The following CNGB3 variants were observed in gnomAD, a reference collection of about 807,000 sequenced individuals.
CNGB3 encodes cyclic nucleotide-gated channel beta-3.
Under a neutral mutation model 92.8 loss-of-function variants are expected in CNGB3, and 86 were observed. That is an observed-to-expected ratio of 0.93 (90% CI 0.78 to 1.11). The LOEUF (loss-of-function observed/expected upper bound fraction) is 1.11, where lower values mean the gene tolerates loss of function less well. CNGB3 is among the 50% of genes least tolerant of loss of function. The pLI is 0.00. For synonymous variants in CNGB3, 333 were observed against 332.7 expected, an observed-to-expected ratio of 1.00 and a Z score of -0.01; for missense variants, 1,026 against 956.8, an observed-to-expected ratio of 1.07 and a Z score of -0.95.
At chr8:86,592,906 T>C (rs2131548449) in intron 15 of CNGB3, among the ~76,000 whole-genome samples, 1 of 152,320 alleles carries the variant, frequency 6.6e-6, no homozygotes, top group Non-Finnish European at 1.5e-5. Context: ...AACACTTTAT[T>C]CCTTGCAACT....
chr8:86,664,165 T>C (rs989300440), intron 6 of CNGB3, among the ~76,000 whole-genome samples: 5 of 152,256 alleles, frequency 3.3e-5, no homozygotes, highest in Non-Finnish European at 7.3e-5. Context: ...GAATAGACTT[T>C]TGGCATAGCT....
At chr8:86,657,243 T>C (rs549437640) in intron 6 of CNGB3, 36 of 209,968 alleles carry the variant, frequency 1.7e-4, no homozygotes, top group Admixed American at 1.4e-3. Flanking sequence ...TCTGCACTTG[T>C]TTGTCTCCCC....
chr8:86,604,426 A>G (rs1459053266), intron 14 of CNGB3, among the ~76,000 whole-genome samples: 2 of 152,206 alleles, frequency 1.3e-5, no homozygotes, highest in Non-Finnish European at 1.5e-5. Flanking sequence ...ATACTTCTCA[A>G]CACGTGAGTA....
At chr8:86,593,710 G>A (rs1304123695) in intron 15 of CNGB3, 3 of 817,372 alleles carry the variant, frequency 3.7e-6, no homozygotes, top group Non-Finnish European at 6.0e-6. Context: ...TGAGGGCCAG[G>A]CCTGTCGTCC....
intron 10 of CNGB3, among the ~76,000 whole-genome samples, chr8:86,638,460 C>A (rs993795395): frequency 6.6e-6 from 1 of 152,088 alleles, no homozygotes; most frequent in Non-Finnish European, 1.5e-5. Context: ...GTGGGACATG[C>A]AATTTTTAAA....
At chr8:86,601,715 G>C (rs1210102246) in intron 15 of CNGB3, among the ~76,000 whole-genome samples, 2 of 152,150 alleles carry the variant, frequency 1.3e-5, no homozygotes, top group Non-Finnish European at 2.9e-5. Context: ...TATGACAGCT[G>C]TGGGCCTGTG....
chr8:86,608,679 A>C (rs530566401), intron 14 of CNGB3, among the ~76,000 whole-genome samples: 10 of 152,314 alleles, frequency 6.6e-5, no homozygotes, highest in African/African-American at 2.2e-4. Context: ...GACAGTATTA[A>C]AAGTCTCTGA....
At chr8:86,617,789 G>T (rs1286778540) in intron 13 of CNGB3, among the ~76,000 whole-genome samples, 1 of 152,128 alleles carries the variant, frequency 6.6e-6, no homozygotes, top group Non-Finnish European at 1.5e-5. Flanking sequence ...TAATCCAGCA[G>T]TCCCCAGTCT....
At chr8:86,578,379 A>C (rs1333756799) in intron 17 of CNGB3, among the ~76,000 whole-genome samples, 1 of 152,218 alleles carries the variant, frequency 6.6e-6, no homozygotes, top group Non-Finnish European at 1.5e-5. Flanking sequence ...TTAAGTTACT[A>C]ATAAATTATA....
intron 3 of CNGB3, among the ~76,000 whole-genome samples, chr8:86,715,824 G>A (rs202200276): frequency 8.6e-6 from 1 of 116,020 alleles, no homozygotes; most frequent in East Asian, 2.9e-4. Flanking sequence ...GGGGCCTGTC[G>A]TGGGGTGGGG....
chr8:86,695,045 G>A (rs1334936791), intron 3 of CNGB3, among the ~76,000 whole-genome samples: 2 of 152,332 alleles, frequency 1.3e-5, no homozygotes, highest in African/African-American at 4.8e-5. Context: ...CTGCAATCCC[G>A]GCACCTCGGG....
intron 6 of CNGB3, chr8:86,658,850 G>A: frequency 1.6e-6 from 1 of 641,410 alleles, no homozygotes; most frequent in Non-Finnish European, 2.8e-6. Context: ...CATTCTGCAT[G>A]GTCTCCAGGG....
chr8:86,728,859 T>G (rs537047681), intron 2 of CNGB3, among the ~76,000 whole-genome samples: 44 of 152,190 alleles, frequency 2.9e-4, no homozygotes, highest in Non-Finnish European at 5.0e-4. Flanking sequence ...AAATCCTGAA[T>G]GTAAAACAAA....
rs536108094 is a variant in CNGB3 at position 86,620,403 on chromosome 8, C to T, written c.1578+5580G>A. Among the ~76,000 whole-genome samples the T allele has an allele frequency of 2.0e-5, 3 of 152,244 alleles. No individual in the cohort carries two copies. The South Asian group carries it at 6.2e-4, about 32-fold the overall frequency. On this transcript the variant is annotated intron_variant, in intron 13 of 17. Transcript: ENST00000320005. ...CTTGGCTTGCAGATGGCTACCTTCTCACTGTGTCGTTACATGGCTTTTCCT... is the reference window on the plus strand; with the variant it reads ...CTTGGCTTGCAGATGGCTACCTTCTTACTGTGTCGTTACATGGCTTTTCCT...
At chr8:86,623,685 C>A (rs1249586986) in intron 13 of CNGB3, among the ~76,000 whole-genome samples, 2 of 152,196 alleles carry the variant, frequency 1.3e-5, no homozygotes, top group Non-Finnish European at 2.9e-5. Flanking sequence ...ACACCATTAT[C>A]CAAATCATAG....
intron 5 of CNGB3, 23 bp from the exon 6 acceptor site, chr8:86,667,156 A>C: frequency 6.3e-7 from 1 of 1,594,252 alleles, no homozygotes; most frequent in Admixed American, 1.7e-5. Context: ...CAAGTGGTGA[A>C]ATCCAAATGA....
intron 14 of CNGB3, among the ~76,000 whole-genome samples, chr8:86,608,929 G>T (rs988447690): frequency 1.3e-5 from 2 of 152,054 alleles, no homozygotes; most frequent in African/African-American, 4.8e-5. Context: ...GTGGTCCCCC[G>T]GGCCCAGCTG....
intron 7 of CNGB3, among the ~76,000 whole-genome samples, chr8:86,650,167 A>G (rs1022084761): frequency 6.6e-6 from 1 of 151,554 alleles, no homozygotes; most frequent in Admixed American, 6.6e-5. Flanking sequence ...TTTAAAATGA[A>G]AAAGCAGGCA....
chr8:86,688,608 G>A (rs1183544320), intron 3 of CNGB3, among the ~76,000 whole-genome samples: 1 of 151,928 alleles, frequency 6.6e-6, no homozygotes, highest in Non-Finnish European at 1.5e-5. Flanking sequence ...TTGGCATATA[G>A]TTCCTCACAG....
Sources: gnomAD v4.1 joint callset for allele counts (sites outside exome capture counted in the v4.1 genomes callset) on GRCh38, gnomAD v4.1.1 for gene constraint, MANE v1.5 for transcripts, NCBI Gene and HGNC (gene_info 2026-07-23, HGNC 2026-07-21) for gene names.